The following PCDH9 variants were observed in gnomAD, a reference collection of about 807,000 sequenced individuals.
PCDH9 encodes the protein protocadherin-9.
A neutral mutation model predicts 70.6 loss-of-function variants in PCDH9; 24 were observed. The ratio of observed to expected loss-of-function variants is 0.34; its 90% CI spans 0.25 to 0.48. The LOEUF (loss-of-function observed/expected upper bound fraction) is 0.48. PCDH9 is among the 20% of genes least tolerant of loss of function. The probability of loss-of-function intolerance (pLI) is 0.99; values close to 1 mark genes in which losing one functional copy is unlikely to be tolerated. For synonymous variants in PCDH9, 562 were observed against 558.5 expected (o/e 1.01, Z -0.09); for missense variants, 1,281 against 1,503.6 (o/e 0.85, Z 2.45).
intron 3 of PCDH9, among the ~76,000 whole-genome samples, chr13:66,690,671 T>C (rs1038479747): frequency 2.0e-5 from 3 of 152,148 alleles, no homozygotes; most frequent in African/African-American, 7.2e-5. Flanking sequence ...AAATCATCAT[T>C]TTACAGAAGT....
intron 4 of PCDH9, among the ~76,000 whole-genome samples, chr13:66,335,478 C>T (rs150446311): frequency 0.01 from 1,562 of 152,206 alleles, 17 homozygotes; most frequent in Non-Finnish European, 0.017. Flanking sequence ...AACATTTTTG[C>T]AGTACTTATA....
chr13:66,760,903 A>C (rs539070484), intron 3 of PCDH9, among the ~76,000 whole-genome samples: 1 of 152,210 alleles, frequency 6.6e-6, no homozygotes, highest in South Asian at 2.1e-4. Context: ...CAGCACCCCC[A>C]GGCTTGCTAG....
At chr13:67,213,317 A>G (rs1045813780) in intron 2 of PCDH9, 1 of 151,146 alleles carries the variant, frequency 6.6e-6, no homozygotes, top group Non-Finnish European at 1.5e-5. Context: ...ATTTAGCAGT[A>G]TATAATAAAT....
intron 4 of PCDH9, among the ~76,000 whole-genome samples, chr13:66,472,794 A>G (rs1190364019): frequency 6.6e-6 from 1 of 152,182 alleles, no homozygotes; most frequent in Non-Finnish European, 1.5e-5. Context: ...AAACTTACAA[A>G]GCACAGGAAG....
chr13:66,718,603 C>T (rs1378317639), intron 3 of PCDH9, among the ~76,000 whole-genome samples: 1 of 152,058 alleles, frequency 6.6e-6, no homozygotes, highest in Non-Finnish European at 1.5e-5. Flanking sequence ...AAATAAAAGG[C>T]ATAAAAGCTA....
At chr13:67,094,706 T>C (rs975097510) in intron 2 of PCDH9, among the ~76,000 whole-genome samples, 1 of 151,618 alleles carries the variant, frequency 6.6e-6, no homozygotes, top group Admixed American at 6.6e-5. Context: ...TTTAATAAAA[T>C]AGACTTTTTT....
intron 4 of PCDH9, among the ~76,000 whole-genome samples, chr13:66,350,509 T>C (rs1956278239): frequency 6.6e-6 from 1 of 152,152 alleles, no homozygotes. Flanking sequence ...TTGTCTTCTC[T>C]AACTGTATTT....
intron 4 of PCDH9, among the ~76,000 whole-genome samples, chr13:66,496,640 A>G (rs1189985745): frequency 6.6e-6 from 1 of 152,218 alleles, no homozygotes; most frequent in Non-Finnish European, 1.5e-5. Flanking sequence ...AATGGCCTTT[A>G]TACAAGTCAG....
intron 2 of PCDH9, among the ~76,000 whole-genome samples, chr13:67,154,597 T>A (rs7997301): frequency 0.096 from 6,823 of 71,306 alleles, 826 homozygotes; most frequent in Non-Finnish European, 0.11. Context: ...AAAAAAAAAA[T>A]ATATATATAC....
intron 3 of PCDH9, among the ~76,000 whole-genome samples, chr13:66,672,705 G>A (rs774225243): frequency 6.6e-6 from 1 of 152,240 alleles, no homozygotes; most frequent in Non-Finnish European, 1.5e-5. Flanking sequence ...CCAAGACCAT[G>A]GGAACCCACC....
At chr13:66,508,699 C>T (rs377626436) in intron 4 of PCDH9, among the ~76,000 whole-genome samples, 18 of 152,204 alleles carry the variant, frequency 1.2e-4, no homozygotes, top group African/African-American at 4.1e-4. Context: ...TACTCAGTTA[C>T]ATCACATCAG....
At chr13:66,316,879 C>T (rs762377864) in intron 4 of PCDH9, among the ~76,000 whole-genome samples, 5 of 152,054 alleles carry the variant, frequency 3.3e-5, no homozygotes, top group Non-Finnish European at 5.9e-5. Flanking sequence ...CGCACAACAA[C>T]GCCTGGCTAA....
chr13:66,526,287 C>T (rs1257568883), intron 4 of PCDH9, among the ~76,000 whole-genome samples: 1 of 151,976 alleles, frequency 6.6e-6, no homozygotes, highest in Non-Finnish European at 1.5e-5. Flanking sequence ...GTTATAAATG[C>T]TGTGTAAAGT....
intron 2 of PCDH9, among the ~76,000 whole-genome samples, chr13:66,947,453 A>AC (rs1479677870): frequency 2.0e-5 from 3 of 152,180 alleles, no homozygotes; most frequent in African/African-American, 4.8e-5. Context: ...GAGTGTAATG[A>AC]CAAATACACG....
At chr13:66,867,294 G>A (rs770814862) in intron 3 of PCDH9, among the ~76,000 whole-genome samples, 2 of 151,992 alleles carry the variant, frequency 1.3e-5, no homozygotes, top group African/African-American at 4.8e-5. Context: ...GTTCTCTCTG[G>A]TGATGTTTAT....
intron 3 of PCDH9, among the ~76,000 whole-genome samples, chr13:66,768,140 T>G (rs967795558): frequency 6.6e-6 from 1 of 152,100 alleles, no homozygotes; most frequent in Non-Finnish European, 1.5e-5. Flanking sequence ...CTGTATGTGG[T>G]TTTTGTATAT....
chr13:66,933,278 G>A (rs1381510709), intron 2 of PCDH9, among the ~76,000 whole-genome samples: 2 of 152,046 alleles, frequency 1.3e-5, no homozygotes, highest in Admixed American at 1.3e-4. Flanking sequence ...TATGACATCA[G>A]TATATTTTTA....
rs187897587 is a variant in PCDH9 at position 66,456,956 on chromosome 13, G to A, written c.3341-151928C>T. 2.5e-3 allele frequency among the ~76,000 whole-genome samples: 378 copies of A among 152,108 alleles called. 2 individuals are homozygous for A. Among genetic ancestry groups the A allele is most frequent in the African/African-American group, 8.7e-3 (360 of 41,498 alleles). ...TGTAAAATATAATAACTGTGTACCCGTTCGTAATTGTGTTCTTATGAAAGT... is the reference window on the plus strand; with the variant it reads ...TGTAAAATATAATAACTGTGTACCCATTCGTAATTGTGTTCTTATGAAAGT... On this transcript the variant is annotated intron_variant, in intron 4 of 4. Transcript: ENST00000377865.
intron 4 of PCDH9, among the ~76,000 whole-genome samples, chr13:66,336,079 C>T (rs1448821961): frequency 1.3e-5 from 2 of 151,990 alleles, no homozygotes; most frequent in African/African-American, 4.8e-5. Context: ...AAAGAGAAAC[C>T]TTCCAAATAA....
Sources: allele counts gnomAD v4.1 joint callset (sites outside exome capture counted in the v4.1 genomes callset), GRCh38; gene constraint gnomAD v4.1.1; transcripts MANE v1.5; gene names NCBI Gene and HGNC (gene_info 2026-07-23, HGNC 2026-07-21).